The following TTC39C variants were observed in gnomAD, a reference collection of about 807,000 sequenced individuals.
The protein encoded by TTC39C is tetratricopeptide repeat protein 39C.
Under a neutral mutation model 76.3 loss-of-function variants are expected in TTC39C, and 33 were observed. That is an observed-to-expected ratio of 0.43 (90% confidence interval 0.33 to 0.58). TTC39C has a LOEUF of 0.58. TTC39C is among the 20% of genes least tolerant of loss of function. TTC39C has a pLI of 0.04. For missense variants in TTC39C, 595 were observed against 701.4 expected (o/e 0.85, Z 1.71); for synonymous variants, 254 against 260.6 (o/e 0.97, Z 0.24).
At chr18:24,086,006 T>A (rs1431489341) in intron 6 of TTC39C, among the ~76,000 whole-genome samples, 1 of 152,246 alleles carries the variant, frequency 6.6e-6, no homozygotes, top group Non-Finnish European at 1.5e-5. Flanking sequence ...TGAGGAACTC[T>A]GCCCAGGGAG....
At chr18:24,003,972 A>G (rs999677654) in intron 1 of TTC39C, among the ~76,000 whole-genome samples, 2 of 151,126 alleles carry the variant, frequency 1.3e-5, no homozygotes, top group Admixed American at 6.6e-5. Flanking sequence ...CTAGTCTCCA[A>G]CTCCTGGCCT....
chr18:24,107,115 G>A (rs2084753619), intron 6 of TTC39C, among the ~76,000 whole-genome samples: 1 of 152,204 alleles, frequency 6.6e-6, no homozygotes, highest in African/African-American at 2.4e-5. Context: ...TTACTGGGCA[G>A]AGGATACCTG....
chr18:24,118,007 T>G (rs753225331), intron 7 of TTC39C, 118 bp from the exon 8 acceptor site: 5 of 674,788 alleles, frequency 7.4e-6, no homozygotes, highest in Non-Finnish European at 1.2e-5. Context: ...TTAAACTTTT[T>G]TACGCATTTC....
Position 24,132,542 on chromosome 18 carries a change from CT to C in TTC39C, c.1721del (p.Leu574ArgfsTer4). The C allele has an allele frequency of 6.2e-7, 1 of 1,614,074 alleles. No individual in the cohort carries two copies. The highest frequency in any genetic ancestry group is 8.5e-7 in the Non-Finnish European group (1 of 1,179,990). On this transcript the variant is annotated frameshift_variant, in exon 14 of 14. Coordinates refer to ENST00000317571, the MANE Select transcript of TTC39C (RefSeq NM_001135993.2). LOFTEE classifies it high-confidence loss of function. ...ATTGCATGTCCGCATCCATGCTGCTCTGGCCTCTCTGAGGGAATTGGTTCCT... is the reference window on the plus strand; with the variant it reads ...ATTGCATGTCCGCATCCATGCTGCTCGGCCTCTCTGAGGGAATTGGTTCCT... ...NRLHVRIHAA[L>X]ASLRELVPQ is the part of the protein sequence containing the mutation.
chr18:24,122,778 G>T (rs1407317166), intron 8 of TTC39C, among the ~76,000 whole-genome samples: 1 of 152,052 alleles, frequency 6.6e-6, no homozygotes, highest in East Asian at 1.9e-4. Context: ...ACATGATCAT[G>T]ATCAAAATCT....
At chr18:24,004,274 T>C (rs1161619045) in intron 1 of TTC39C, among the ~76,000 whole-genome samples, 3 of 152,196 alleles carry the variant, frequency 2.0e-5, no homozygotes, top group Non-Finnish European at 4.4e-5. Context: ...AGCATCCAGT[T>C]CCCTATCTGT....
chr18:24,042,072 G>A (rs529145439), intron 1 of TTC39C, among the ~76,000 whole-genome samples: 8 of 152,178 alleles, frequency 5.3e-5, no homozygotes, highest in Non-Finnish European at 1.2e-4. Context: ...TTTTTCACCC[G>A]ATTTTTAAGT....
rs1048469287 is a variant in TTC39C at position 24,134,728 on chromosome 18, A to G, written c.*2154A>G. 3 of 152,142 alleles carry G rather than the reference A, an allele frequency of 2.0e-5. No homozygotes were observed. The highest frequency in any genetic ancestry group is 7.2e-5 in the African/African-American group (3 of 41,430). 9.4% of individuals were successfully genotyped at this position (152,142 alleles called of 1,614,324 possible). ...TTCTGAATCATGACATTTTTGTTTG[A>G]GAGTTCATTCTTGAATTTTCAGTTC... On this transcript the variant is annotated 3_prime_UTR_variant, in exon 14 of 14. Coordinates refer to ENST00000317571, the MANE Select transcript of TTC39C (RefSeq NM_001135993.2).
intron 3 of TTC39C, among the ~76,000 whole-genome samples, chr18:24,067,501 A>G (rs912588842): frequency 2.0e-5 from 3 of 152,024 alleles, no homozygotes; most frequent in Non-Finnish European, 2.9e-5. Flanking sequence ...GAGCATTACC[A>G]CCTGAGCTTC....
intron 1 of TTC39C, among the ~76,000 whole-genome samples, chr18:24,053,534 T>C (rs973620935): frequency 1.3e-5 from 2 of 152,262 alleles, no homozygotes; most frequent in Non-Finnish European, 2.9e-5. Context: ...GCCTCCAAGT[T>C]GCTCCCATAA....
chr18:24,107,734 C>G (rs749378105), intron 6 of TTC39C, among the ~76,000 whole-genome samples: 25 of 152,308 alleles, frequency 1.6e-4, no homozygotes, highest in Non-Finnish European at 2.8e-4. Flanking sequence ...TATTTATAAG[C>G]AGTATGAAAA....
intron 1 of TTC39C, among the ~76,000 whole-genome samples, chr18:24,063,359 A>G (rs1236093335): frequency 6.6e-6 from 1 of 152,076 alleles, no homozygotes; most frequent in Non-Finnish European, 1.5e-5. Flanking sequence ...CCTTTGATCT[A>G]CTCTAGAAAC....
chr18:24,001,974 C>T (rs866325583), intron 1 of TTC39C, among the ~76,000 whole-genome samples: 44 of 151,996 alleles, frequency 2.9e-4, no homozygotes, highest in African/African-American at 1.0e-3. Flanking sequence ...TACAGGCGCC[C>T]GCCACCACGC....
At chr18:24,023,974 A>ACG (rs1432936241) in intron 1 of TTC39C, among the ~76,000 whole-genome samples, 99 of 14,746 alleles carry the variant, frequency 6.7e-3, no homozygotes, top group African/African-American at 0.016. Context: ...ATATATATAT[A>ACG]TATATACATA....
chr18:24,095,795 C>T (rs1315225862), intron 6 of TTC39C, among the ~76,000 whole-genome samples: 1 of 152,250 alleles, frequency 6.6e-6, no homozygotes, highest in Non-Finnish European at 1.5e-5. Flanking sequence ...CAGCTTTCAA[C>T]ATGCCTTCCT....
chr18:24,114,798 A>G, intron 7 of TTC39C, 151 bp downstream of exon 7: 1 of 574,410 alleles, frequency 1.7e-6, no homozygotes, highest in Non-Finnish European at 3.1e-6. Flanking sequence ...ATGCAATGAT[A>G]CTTCTCTCTG....
intron 1 of TTC39C, among the ~76,000 whole-genome samples, chr18:24,001,821 C>CTTTT (rs1568399948): frequency 1.2e-4 from 4 of 33,552 alleles, no homozygotes; most frequent in Admixed American, 4.5e-4. Context: ...TACGGTAATT[C>CTTTT]TGTTTTTTTT....
chr18:24,025,910 T>C (rs2083594409), intron 1 of TTC39C, among the ~76,000 whole-genome samples: 1 of 152,092 alleles, frequency 6.6e-6, no homozygotes, highest in Admixed American at 6.5e-5. Flanking sequence ...GAAGGGAGTG[T>C]CTCTGTTGCG....
intron 6 of TTC39C, among the ~76,000 whole-genome samples, chr18:24,090,670 A>G (rs1410707100): frequency 6.6e-6 from 1 of 152,134 alleles, no homozygotes; most frequent in African/African-American, 2.4e-5. Flanking sequence ...AAAGTGGAAA[A>G]AGAAAACTCC....
Sources: gnomAD v4.1 joint callset for allele counts (sites outside exome capture counted in the v4.1 genomes callset) on GRCh38, gnomAD v4.1.1 for gene constraint, MANE v1.5 for transcripts, NCBI Gene and HGNC (gene_info 2026-07-23, HGNC 2026-07-21) for gene names.